FBXO11: variants seen among roughly 807,000 people sequenced by gnomAD.
FBXO11 encodes the protein F-box only protein 11.
A neutral mutation model predicts 117.0 loss-of-function variants in FBXO11; 13 were observed. The ratio of observed to expected loss-of-function variants is 0.11; its 90% CI spans 0.07 to 0.18. The LOEUF (loss-of-function observed/expected upper bound fraction) is 0.18, where lower values mean the gene tolerates loss of function less well. Among genes scored for constraint, FBXO11 ranks in the 10% least tolerant of loss-of-function variants. FBXO11 has a pLI of 1.00. For synonymous variants in FBXO11, 490 were observed against 380.5 expected (o/e 1.29, Z -3.35); for missense variants, 767 against 1,164.4 (o/e 0.66, Z 4.97).
chr2:47,893,622 T>C (rs949079616), intron 1 of FBXO11, among the ~76,000 whole-genome samples: 1 of 152,210 alleles, frequency 6.6e-6, no homozygotes, highest in African/African-American at 2.4e-5. Context: ...TAACTTTAAG[T>C]TCCACAAGGG....
chr2:47,865,719 A>C (rs1675144963), intron 1 of FBXO11: 1 of 152,240 alleles, frequency 6.6e-6, no homozygotes, highest in South Asian at 2.1e-4. Flanking sequence ...TAAATTTAAG[A>C]CACTGGTGGA....
At chr2:47,813,107 A>G (rs1457713919) in intron 18 of FBXO11, 127 bp downstream of exon 18, 1 of 1,003,928 alleles carries the variant, frequency 1.0e-6, no homozygotes, top group Admixed American at 1.7e-5. Flanking sequence ...AACCAGTTCA[A>G]CTTGATAAGG....
In FBXO11 at chr2:47,832,694, T is replaced by G. The variant is rs971840379; in HGVS notation, c.1154-16A>C. The G allele has an allele frequency of 6.2e-7, 1 of 1,611,674 alleles. No homozygotes were observed. Among genetic ancestry groups the G allele is most frequent in the African/African-American group, 1.3e-5 (1 of 74,848 alleles). On this transcript the variant is annotated splice_polypyrimidine_tract_variant and intron_variant, in intron 9 of 22. Transcript: ENST00000403359. ...GCAGAACCAACTGTAGAAAAATTATTTATTTATGTAAAAACCTACTGGGCA... is the reference window on the plus strand; with the variant it reads ...GCAGAACCAACTGTAGAAAAATTATGTATTTATGTAAAAACCTACTGGGCA...
intron 12 of FBXO11, 80 bp downstream of exon 12, chr2:47,823,063 G>T: frequency 1.0e-6 from 1 of 1,001,966 alleles, no homozygotes; most frequent in Non-Finnish European, 1.4e-6. Flanking sequence ...AAACTTTCAA[G>T]AGTTAAAGCT....
At chr2:47,900,804 GTATACACACACGTGTATA>G (rs1678153980) in intron 1 of FBXO11, among the ~76,000 whole-genome samples, 1 of 60,648 alleles carries the variant, frequency 1.6e-5, no homozygotes, top group African/African-American at 6.0e-5. Flanking sequence ...ATATATACAC[GTATACACACACGTGTATA>G]TATATACACG....
At chr2:47,808,277 A>G in intron 22 of FBXO11, 30 bp from the exon 23 acceptor site, 3 of 1,612,856 alleles carry the variant, frequency 1.9e-6, no homozygotes, top group Non-Finnish European at 2.5e-6. Flanking sequence ...AAATATTAGA[A>G]AAGTGAGGGG....
At chr2:47,822,359 T>C in intron 12 of FBXO11, 56 bp from the exon 13 acceptor site, 3 of 1,159,918 alleles carry the variant, frequency 2.6e-6, no homozygotes, top group South Asian at 1.4e-5. Context: ...AACTTACTTG[T>C]TTTATACAAC....
chr2:47,816,517 G>A (rs903604412), intron 16 of FBXO11, among the ~76,000 whole-genome samples: 4 of 152,152 alleles, frequency 2.6e-5, no homozygotes, highest in South Asian at 2.1e-4. Flanking sequence ...CTGGAATGGT[G>A]AATCCTTTCC....
At chr2:47,840,014 G>A (rs1388517722) in intron 1 of FBXO11, among the ~76,000 whole-genome samples, 1 of 151,922 alleles carries the variant, frequency 6.6e-6, no homozygotes, top group East Asian at 1.9e-4. Context: ...CGCAATCTCG[G>A]CTCACTGCAA....
intron 16 of FBXO11, 90 bp from the exon 17 acceptor site, chr2:47,813,957 T>A (rs1670818540): frequency 1.0e-6 from 1 of 954,788 alleles, no homozygotes; most frequent in Non-Finnish European, 1.7e-6. Flanking sequence ...GAAATCCACA[T>A]AAGTCACTTA....
chr2:47,813,644 G>A, intron 17 of FBXO11, 147 bp downstream of exon 17: 1 of 627,116 alleles, frequency 1.6e-6, no homozygotes, highest in Non-Finnish European at 2.7e-6. Flanking sequence ...TGTTGGCCAG[G>A]CTGGTCTTAA....
chr2:47,870,230 G>A (rs995233256), intron 1 of FBXO11, among the ~76,000 whole-genome samples: 3 of 152,170 alleles, frequency 2.0e-5, no homozygotes, highest in Non-Finnish European at 4.4e-5. Flanking sequence ...TTAAATTAGT[G>A]TTATTGCTAC....
At chr2:47,838,269 T>C (rs1349192544) in intron 4 of FBXO11, among the ~76,000 whole-genome samples, 2 of 152,042 alleles carry the variant, frequency 1.3e-5, no homozygotes, top group Admixed American at 6.6e-5. Flanking sequence ...TAAAAATTAC[T>C]ATTAGTGGTT....
At chr2:47,843,415 C>T (rs1357689721) in intron 1 of FBXO11, among the ~76,000 whole-genome samples, 1 of 150,670 alleles carries the variant, frequency 6.6e-6, no homozygotes, top group African/African-American at 2.4e-5. Flanking sequence ...AATCTCCCAC[C>T]ATATTTGTAG....
chr2:47,851,831 T>C (rs907744531), intron 1 of FBXO11, among the ~76,000 whole-genome samples: 3 of 152,180 alleles, frequency 2.0e-5, no homozygotes, highest in African/African-American at 7.2e-5. Flanking sequence ...AAAAGCAAAA[T>C]GAAAATATGG....
chr2:47,891,043 C>T (rs1158265087), intron 1 of FBXO11, among the ~76,000 whole-genome samples: 2 of 151,468 alleles, frequency 1.3e-5, no homozygotes, highest in African/African-American at 2.4e-5. Context: ...AGACTAGTAT[C>T]AAACTCCCGG....
intron 4 of FBXO11, among the ~76,000 whole-genome samples, chr2:47,838,037 G>T (rs527817785): frequency 1.1e-3 from 153 of 143,244 alleles, no homozygotes; most frequent in Non-Finnish European, 1.9e-3. Context: ...ATCAGACTGA[G>T]TAACAGAGTG....
chr2:47,865,794 T>C (rs940305566), intron 1 of FBXO11: 2 of 152,164 alleles, frequency 1.3e-5, no homozygotes, highest in African/African-American at 4.8e-5. Flanking sequence ...TACTTAGCTA[T>C]ATGATTGTGG....
chr2:47,832,709 C>T (rs1672285337), intron 9 of FBXO11, 31 bp from the exon 10 acceptor site: 1 of 1,609,438 alleles, frequency 6.2e-7, no homozygotes, highest in East Asian at 2.2e-5. Context: ...TATGTAAAAA[C>T]CTACTGGGCA....
Sources: gnomAD v4.1 joint callset for allele counts (sites outside exome capture counted in the v4.1 genomes callset) on GRCh38, gnomAD v4.1.1 for gene constraint, MANE v1.5 for transcripts, NCBI Gene and HGNC (gene_info 2026-07-23, HGNC 2026-07-21) for gene names.